The following DOK5 variants were observed in gnomAD, a reference collection of about 807,000 sequenced individuals.
DOK5 encodes the protein docking protein 5, also known as downstream of tyrosine kinase 5.
A neutral mutation model predicts 43.3 loss-of-function variants in DOK5; 27 were observed. The ratio of observed to expected loss-of-function variants is 0.62; its 90% CI spans 0.46 to 0.86. The LOEUF (loss-of-function observed/expected upper bound fraction) is 0.86, where lower values mean the gene tolerates loss of function less well. DOK5 is among the 40% of genes least tolerant of loss of function. DOK5 has a pLI of 0.00. For missense variants in DOK5, 373 were observed against 392.9 expected (o/e 0.95, Z 0.43); for synonymous variants, 146 against 140.1 (o/e 1.04, Z -0.30).
chr20:54,490,958 G>C (rs146988925), intron 1 of DOK5, among the ~76,000 whole-genome samples: 2 of 152,070 alleles, frequency 1.3e-5, no homozygotes, highest in Non-Finnish European at 2.9e-5. Flanking sequence ...ACTCTTTTCC[G>C]TCCATGTCTT....
chr20:54,625,000 C>T (rs1270713082), intron 6 of DOK5, among the ~76,000 whole-genome samples: 1 of 151,878 alleles, frequency 6.6e-6, no homozygotes, highest in Non-Finnish European at 1.5e-5. Context: ...TTCTTACCCA[C>T]ATTTTTTTTT....
intron 5 of DOK5, among the ~76,000 whole-genome samples, chr20:54,605,011 AAAT>A (rs1441339855): frequency 1.1e-3 from 120 of 112,052 alleles, no homozygotes; most frequent in African/African-American, 5.9e-3. Context: ...CAAAAAAAAA[AAAT>A]ATATATATAT....
chr20:54,592,466 C>G (rs796805258), intron 5 of DOK5, among the ~76,000 whole-genome samples: 3 of 151,990 alleles, frequency 2.0e-5, no homozygotes, highest in Non-Finnish European at 4.4e-5. Flanking sequence ...AAAGATTCCT[C>G]TAGCCATAAT....
rs1235508592 is a variant in DOK5, at chr20:54,606,274, CT to C, written c.600-4105del. Among the ~76,000 whole-genome samples the C allele has an allele frequency of 3.3e-5, 5 of 151,634 alleles. No homozygotes were observed. The East Asian group carries it at 5.8e-4, about 18-fold the overall frequency. ...GGAAATTAGAAAGGCCTAACTTAAACTTTTTTTTTAACCTTCTCTGGGTTTC... is the reference window on the plus strand; with the variant it reads ...GGAAATTAGAAAGGCCTAACTTAAACTTTTTTTTAACCTTCTCTGGGTTTC... On this transcript the variant is annotated intron_variant, in intron 5 of 7. Coordinates refer to ENST00000262593, the MANE Select transcript of DOK5 (RefSeq NM_018431.5).
At chr20:54,492,122 C>T (rs1008559522) in intron 1 of DOK5, among the ~76,000 whole-genome samples, 3 of 151,754 alleles carry the variant, frequency 2.0e-5, no homozygotes, top group Admixed American at 6.6e-5. Flanking sequence ...TTTTATATTA[C>T]ATATACATGG....
chr20:54,612,687 A>C (rs528215495), intron 6 of DOK5, among the ~76,000 whole-genome samples: 1 of 152,218 alleles, frequency 6.6e-6, no homozygotes, highest in Non-Finnish European at 1.5e-5. Context: ...TCAGGCCTTC[A>C]GACTGCATAT....
chr20:54,516,959 G>A (rs546696313), intron 1 of DOK5, among the ~76,000 whole-genome samples: 2 of 152,264 alleles, frequency 1.3e-5, no homozygotes, highest in East Asian at 1.9e-4. Flanking sequence ...AGAGTCCCTC[G>A]TGTTACCGAG....
chr20:54,580,089 T>C (rs971532468), intron 2 of DOK5, among the ~76,000 whole-genome samples: 3 of 152,144 alleles, frequency 2.0e-5, no homozygotes, highest in Non-Finnish European at 2.9e-5. Flanking sequence ...TTCATCCATG[T>C]CCCTTCAAAA....
Position 54,614,006 on chromosome 20 carries a change from ATATATATATGGTTATATATATTTATT to A in DOK5, c.735+3509_735+3534del, listed in dbSNP as rs1257831658. The stretch of plus-strand genomic sequence containing the variant: ...GAGACCCCATCTCTAATATATATAC[ATATATATATGGTTATATATATTTATT>A]TATATATATGGTTATATATATTTAT... On this transcript the variant is annotated intron_variant, in intron 6 of 7. Transcript: ENST00000262593. 1.1e-4 allele frequency among the ~76,000 whole-genome samples: 17 copies of A among 149,548 alleles called. No homozygotes were observed. The East Asian group carries it at 1.9e-3, about 17-fold the overall frequency.
chr20:54,621,647 C>T (rs2146806023), intron 6 of DOK5, among the ~76,000 whole-genome samples: 1 of 151,532 alleles, frequency 6.6e-6, no homozygotes, highest in Middle Eastern at 3.4e-3. Context: ...TGAGATTGCA[C>T]CACTGCGCTC....
intron 1 of DOK5, among the ~76,000 whole-genome samples, chr20:54,487,220 A>T (rs1468768072): frequency 1.3e-5 from 2 of 152,216 alleles, no homozygotes; most frequent in East Asian, 3.8e-4. Flanking sequence ...TAAAATGAGA[A>T]AAAGTATTAT....
Position 54,610,348 on chromosome 20 carries a change from C to A in DOK5, c.600-40C>A, listed in dbSNP as rs189142976. ...GATCTTGGTGCATTGAACTTCTAGG[C>A]GCTGGATTTTCAGAAGCTGTTTTGT... On this transcript the variant is annotated intron_variant, in intron 5 of 7. Transcript: ENST00000262593. 4.6e-3 allele frequency: 6,700 copies of A among 1,466,068 alleles called. 21 individuals carry two copies. Among genetic ancestry groups the A allele is most frequent in the Non-Finnish European group, 5.5e-3 (6,085 of 1,103,946 alleles). The allele number at this position is 1,466,068 out of a possible 1,614,324, so 90.8% of individuals were successfully genotyped here.
chr20:54,565,049 G>A (rs1362787757), intron 2 of DOK5, among the ~76,000 whole-genome samples: 1 of 151,870 alleles, frequency 6.6e-6, no homozygotes, highest in Non-Finnish European at 1.5e-5. Flanking sequence ...CAATTTCACT[G>A]CCTGAAAAGG....
chr20:54,556,547 A>C (rs954771710), intron 2 of DOK5, among the ~76,000 whole-genome samples: 1 of 152,212 alleles, frequency 6.6e-6, no homozygotes, highest in African/African-American at 2.4e-5. Context: ...GTTATCCCTC[A>C]TGTATCCAGT....
chr20:54,591,693 T>C lies in DOK5; in HGVS notation c.487T>C (p.Tyr163His). ...GECALQITYE[Y>H]ICLWDVQNPR... Reference sequence around the variant, plus strand: ...ATGTGCCTTGCAGATTACATATGAGTATATCTGTCTTTGGGACGTCCAGAA... The same window carrying C: ...ATGTGCCTTGCAGATTACATATGAGCATATCTGTCTTTGGGACGTCCAGAA... Residue 163 changes from tyrosine to histidine, a missense_variant, in exon 5 of 8, where the codon TAT becomes CAT. Coordinates refer to ENST00000262593, the MANE Select transcript of DOK5 (RefSeq NM_018431.5). 6.2e-7 allele frequency: 1 copy of C among 1,614,140 alleles called. No homozygotes were observed. The highest frequency in any genetic ancestry group is 8.5e-7 in the Non-Finnish European group (1 of 1,179,974).
intron 1 of DOK5, among the ~76,000 whole-genome samples, chr20:54,545,340 C>T (rs539761211): frequency 9.0e-4 from 137 of 152,318 alleles, no homozygotes; most frequent in South Asian, 2.9e-3. Context: ...ATTATATCAA[C>T]CCACACCATT....
At chr20:54,648,351 T>C (rs1202424788) in intron 7 of DOK5, among the ~76,000 whole-genome samples, 2 of 152,000 alleles carry the variant, frequency 1.3e-5, no homozygotes, top group Admixed American at 1.3e-4. Flanking sequence ...CAAGCAGACA[T>C]AGTTAATTTC....
chr20:54,638,754 T>C (rs1018232966), intron 6 of DOK5, among the ~76,000 whole-genome samples: 12 of 10,654 alleles, frequency 1.1e-3, no homozygotes, highest in Middle Eastern at 0.062. Flanking sequence ...TTTCTTTTCT[T>C]TTTTTTTTTT....
intron 2 of DOK5, among the ~76,000 whole-genome samples, chr20:54,566,885 G>A (rs7268501): frequency 0.04 from 6,073 of 152,206 alleles, 422 homozygotes; most frequent in African/African-American, 0.14. Flanking sequence ...CCGAAGCACT[G>A]GGATTTATTT....
Sources: gnomAD v4.1 joint callset for allele counts (sites outside exome capture counted in the v4.1 genomes callset) on GRCh38, gnomAD v4.1.1 for gene constraint, MANE v1.5 for transcripts, NCBI Gene and HGNC (gene_info 2026-07-23, HGNC 2026-07-21) for gene names.